Variants in PRELID2 observed in about 807,000 individuals in gnomAD.
PRELID2 encodes PRELI domain containing 2.
A neutral mutation model predicts 28.4 loss-of-function variants in PRELID2; 25 were observed. The ratio of observed to expected loss-of-function variants is 0.88; its 90% CI spans 0.64 to 1.23. The LOEUF (loss-of-function observed/expected upper bound fraction) is 1.23, where lower values mean the gene tolerates loss of function less well. Among genes scored for constraint, PRELID2 ranks in the 50% most tolerant of loss-of-function variants. PRELID2 has a pLI of 0.00. For synonymous variants in PRELID2, 76 were observed against 71.6 expected, an observed-to-expected ratio of 1.06 and a Z score of -0.31; for missense variants, 201 against 214.4, an observed-to-expected ratio of 0.94 and a Z score of 0.39.
intron 1 of PRELID2, among the ~76,000 whole-genome samples, chr5:145,736,660 G>A (rs1432948199): frequency 6.6e-6 from 1 of 152,076 alleles, no homozygotes; most frequent in Non-Finnish European, 1.5e-5. Flanking sequence ...CCTGTAAAGG[G>A]ACAGAGGGCA....
the PRELID2 span, among the ~76,000 whole-genome samples, chr5:145,320,154 GCAATGT>G: frequency 6.6e-6 from 1 of 152,210 alleles, no homozygotes; most frequent in Non-Finnish European, 1.5e-5. Flanking sequence ...GATTGAAGAT[GCAATGT>G]CTCATTGTAC....
chr5:145,713,414 C>T (rs1005378977), intron 1 of PRELID2, among the ~76,000 whole-genome samples: 2 of 133,130 alleles, frequency 1.5e-5, no homozygotes, highest in South Asian at 2.4e-4. Flanking sequence ...TTTATATATA[C>T]TTTATATATA....
At chr5:145,604,748 GTT>G (rs377653737) in intron 1 of PRELID2, among the ~76,000 whole-genome samples, 3,887 of 108,950 alleles carry the variant, frequency 0.036, 101 homozygotes, top group African/African-American at 0.11. Context: ...GTTTTTTTTG[GTT>G]TTTTTTTTTT....
At chr5:145,260,471 A>C in the PRELID2 span, among the ~76,000 whole-genome samples, 2 of 152,214 alleles carry the variant, frequency 1.3e-5, no homozygotes, top group Non-Finnish European at 2.9e-5. Flanking sequence ...ACATAATTGA[A>C]ATTTATAGAA....
At chr5:145,826,163 C>T (rs1039145704) in intron 1 of PRELID2, 9 of 985,412 alleles carry the variant, frequency 9.1e-6, no homozygotes, top group East Asian at 2.3e-4. Context: ...AGCTGCCATG[C>T]GCATGATCTC....
the PRELID2 span, among the ~76,000 whole-genome samples, chr5:145,387,732 G>A: frequency 4.6e-5 from 7 of 152,002 alleles, no homozygotes; most frequent in South Asian, 1.0e-3. Context: ...AGGAATTTCA[G>A]ACCCACCTGA....
the PRELID2 span, among the ~76,000 whole-genome samples, chr5:145,276,196 A>G: frequency 6.6e-6 from 1 of 152,146 alleles, no homozygotes; most frequent in Non-Finnish European, 1.5e-5. Context: ...TTTTCCTTTA[A>G]AAGACCTTTT....
chr5:145,510,356 G>A (rs1003534196), intron 1 of PRELID2, among the ~76,000 whole-genome samples: 1 of 152,130 alleles, frequency 6.6e-6, no homozygotes, highest in African/African-American at 2.4e-5. Flanking sequence ...CATTGACATT[G>A]TTTTTTAATG....
intron 1 of PRELID2, among the ~76,000 whole-genome samples, chr5:145,614,980 C>T (rs755879771): frequency 7.9e-5 from 12 of 152,226 alleles, no homozygotes; most frequent in Middle Eastern, 6.8e-3. Flanking sequence ...GTCTTGATGA[C>T]CTGTCTAGTG....
intron 1 of PRELID2, among the ~76,000 whole-genome samples, chr5:145,513,687 T>G (rs1752486273): frequency 1.3e-5 from 2 of 152,208 alleles, no homozygotes; most frequent in African/African-American, 4.8e-5. Context: ...CCAAGACACA[T>G]AATTGTCAGA....
chr5:145,714,881 C>T (rs1581090381), intron 1 of PRELID2, among the ~76,000 whole-genome samples: 1 of 152,108 alleles, frequency 6.6e-6, no homozygotes, highest in Non-Finnish European at 1.5e-5. Flanking sequence ...TTTTTCTGGG[C>T]TCCGCTACTT....
At chr5:145,234,210 G>C in the PRELID2 span, among the ~76,000 whole-genome samples, 3 of 152,082 alleles carry the variant, frequency 2.0e-5, no homozygotes, top group Non-Finnish European at 4.4e-5. Context: ...AATCAAATCA[G>C]AAATATACTA....
chr5:145,287,458 G>A, the PRELID2 span, among the ~76,000 whole-genome samples: 1 of 152,022 alleles, frequency 6.6e-6, no homozygotes, highest in Non-Finnish European at 1.5e-5. Flanking sequence ...CTGAAAAAAG[G>A]GGTGGAGTGA....
the PRELID2 span, among the ~76,000 whole-genome samples, chr5:145,393,084 T>C: frequency 6.6e-6 from 1 of 152,206 alleles, no homozygotes; most frequent in Non-Finnish European, 1.5e-5. Context: ...TCTACTAATA[T>C]GTGAGATTAA....
At chr5:145,452,689 C>G in the PRELID2 span, among the ~76,000 whole-genome samples, 3,885 of 151,974 alleles carry the variant, frequency 0.026, 179 homozygotes, top group African/African-American at 0.088. Flanking sequence ...CAGATTCTAG[C>G]ATAGTTCTTA....
At chr5:145,394,636 T>C in the PRELID2 span, among the ~76,000 whole-genome samples, 1 of 152,098 alleles carries the variant, frequency 6.6e-6, no homozygotes, top group Non-Finnish European at 1.5e-5. Flanking sequence ...CTATAGTAAA[T>C]ACTGGCACTA....
chr5:145,714,296 C>T (rs747684435), intron 1 of PRELID2, among the ~76,000 whole-genome samples: 7 of 151,974 alleles, frequency 4.6e-5, no homozygotes, highest in Non-Finnish European at 8.8e-5. Context: ...ACTTCATGAC[C>T]GAGATTTAAC....
chr5:145,574,710 C>T (rs1275955040), intron 1 of PRELID2, among the ~76,000 whole-genome samples: 1 of 152,176 alleles, frequency 6.6e-6, no homozygotes, highest in African/African-American at 2.4e-5. Flanking sequence ...TCCAGGACCC[C>T]TGAGGATGTC....
At chr5:145,551,010 T>G (rs556288833) in intron 1 of PRELID2, among the ~76,000 whole-genome samples, 1 of 152,180 alleles carries the variant, frequency 6.6e-6, no homozygotes, top group Admixed American at 6.5e-5. Flanking sequence ...TATACTAATA[T>G]TATCGAGAAT....
Sources: gnomAD v4.1 joint callset for allele counts (sites outside exome capture counted in the v4.1 genomes callset) on GRCh38, gnomAD v4.1.1 for gene constraint, MANE v1.5 for transcripts, NCBI Gene and HGNC (gene_info 2026-07-23, HGNC 2026-07-21) for gene names.